RANBP17: variants seen among roughly 807,000 people sequenced by gnomAD.
RANBP17 encodes ran-binding protein 17.
A neutral mutation model predicts 141.2 loss-of-function variants in RANBP17; 158 were observed. The ratio of observed to expected loss-of-function variants is 1.12; its 90% CI spans 0.98 to 1.28. The LOEUF is 1.28. RANBP17 is among the 50% of genes most tolerant of loss of function. RANBP17 has a pLI of 0.00. For missense variants in RANBP17, 1,438 were observed against 1,290.7 expected (o/e 1.11, Z -1.75); for synonymous variants, 430 against 450.0 (o/e 0.96, Z 0.56).
At chr5:171,113,696 T>C (rs1755410211) in intron 14 of RANBP17, among the ~76,000 whole-genome samples, 2 of 152,158 alleles carry the variant, frequency 1.3e-5, no homozygotes. Context: ...CTAGGCACTT[T>C]GAGTCTAGAA....
chr5:171,113,227 C>A (rs1284774181), intron 14 of RANBP17, among the ~76,000 whole-genome samples: 3 of 152,142 alleles, frequency 2.0e-5, no homozygotes, highest in Admixed American at 1.3e-4. Flanking sequence ...CTTTTCCCTG[C>A]CTACTAAACT....
At chr5:170,892,611 T>C (rs1237883251) in intron 4 of RANBP17, 58 bp downstream of exon 4, 5 of 1,375,136 alleles carry the variant, frequency 3.6e-6, no homozygotes, top group Admixed American at 2.0e-5. Flanking sequence ...TGGTTTAGAA[T>C]ACTGCTCTTC....
intron 14 of RANBP17, among the ~76,000 whole-genome samples, chr5:171,150,882 G>A (rs780518034): frequency 1.3e-5 from 2 of 152,162 alleles, no homozygotes; most frequent in Non-Finnish European, 2.9e-5. Context: ...GTCTGCAGAC[G>A]TTTTGTTCCT....
intron 14 of RANBP17, among the ~76,000 whole-genome samples, chr5:171,088,255 T>A (rs1043144893): frequency 2.3e-4 from 35 of 152,266 alleles, no homozygotes; most frequent in African/African-American, 7.9e-4. Context: ...AAATTCTGGG[T>A]TGAAAATTCT....
chr5:171,283,091 A>G (rs1268088537), intron 25 of RANBP17, among the ~76,000 whole-genome samples: 1 of 152,030 alleles, frequency 6.6e-6, no homozygotes, highest in African/African-American at 2.4e-5. Context: ...TCTTATTCTC[A>G]ACAACAGATC....
chr5:171,241,257 A>C, intron 23 of RANBP17, 115 bp downstream of exon 23: 1 of 762,976 alleles, frequency 1.3e-6, no homozygotes, highest in Non-Finnish European at 2.1e-6. Flanking sequence ...TTATGTTTTA[A>C]GACAGCATAC....
chr5:171,218,072 A>G (rs1439226078), intron 21 of RANBP17, among the ~76,000 whole-genome samples: 4 of 152,104 alleles, frequency 2.6e-5, no homozygotes, highest in Non-Finnish European at 5.9e-5. Flanking sequence ...TGTGTCCCAG[A>G]GATTCTAGTA....
intron 13 of RANBP17, among the ~76,000 whole-genome samples, chr5:170,956,908 A>G (rs909756173): frequency 6.6e-6 from 1 of 151,812 alleles, no homozygotes; most frequent in African/African-American, 2.4e-5. Flanking sequence ...CGTCTCTACT[A>G]AAAATACAAA....
chr5:170,909,626 G>A, intron 5 of RANBP17, 35 bp from the exon 6 acceptor site: 1 of 804,638 alleles, frequency 1.2e-6, no homozygotes. Context: ...TTTTTCATAG[G>A]TCTGGTTAAA....
intron 14 of RANBP17, among the ~76,000 whole-genome samples, chr5:170,996,237 T>C (rs1315824570): frequency 6.6e-6 from 1 of 152,178 alleles, no homozygotes; most frequent in Non-Finnish European, 1.5e-5. Flanking sequence ...TAAGTGTTAG[T>C]TAAAGCTGTT....
At chr5:170,913,273 A>T (rs570476488) in intron 7 of RANBP17, among the ~76,000 whole-genome samples, 2 of 152,168 alleles carry the variant, frequency 1.3e-5, no homozygotes, top group South Asian at 4.1e-4. Context: ...AGTGAAAGAC[A>T]TAGAAAGGCT....
chr5:171,252,833 TA>T, intron 24 of RANBP17: 1 of 1,240,568 alleles, frequency 8.1e-7, no homozygotes, highest in Non-Finnish European at 1.2e-6. Flanking sequence ...CATTGTATTG[TA>T]ATAGTTAAGA....
intron 14 of RANBP17, among the ~76,000 whole-genome samples, chr5:171,018,074 G>T (rs947249777): frequency 6.6e-6 from 1 of 151,998 alleles, no homozygotes; most frequent in East Asian, 1.9e-4. Flanking sequence ...TAGATTTATG[G>T]TGGTATTTCT....
intron 12 of RANBP17, among the ~76,000 whole-genome samples, chr5:170,942,224 TG>T (rs1261300157): frequency 6.6e-6 from 1 of 152,124 alleles, no homozygotes; most frequent in East Asian, 1.9e-4. Flanking sequence ...CCCCAGTCCG[TG>T]GAAAAATTGT....
intron 13 of RANBP17, among the ~76,000 whole-genome samples, chr5:170,955,736 A>G (rs1286785379): frequency 7.0e-6 from 1 of 142,690 alleles, no homozygotes; most frequent in African/African-American, 2.5e-5. Context: ...TTCAATCTAC[A>G]TAAAGATATA....
At chr5:171,297,068 A>G (rs550879141) in intron 27 of RANBP17, among the ~76,000 whole-genome samples, 2 of 152,330 alleles carry the variant, frequency 1.3e-5, no homozygotes, top group East Asian at 3.9e-4. Context: ...TGTTTAAATG[A>G]CAGAACGCAG....
intron 14 of RANBP17, among the ~76,000 whole-genome samples, chr5:171,003,301 G>A (rs922341910): frequency 2.0e-5 from 3 of 152,186 alleles, no homozygotes; most frequent in Admixed American, 6.5e-5. Context: ...GGAACAGAAA[G>A]AGGAGTGGGG....
intron 14 of RANBP17, among the ~76,000 whole-genome samples, chr5:171,166,782 A>G (rs964120190): frequency 2.0e-5 from 3 of 152,240 alleles, no homozygotes; most frequent in East Asian, 1.9e-4. Flanking sequence ...AATGAGAAAC[A>G]GTCTTTTAAA....
intron 8 of RANBP17, among the ~76,000 whole-genome samples, chr5:170,915,774 G>T (rs930699558): frequency 1.3e-5 from 2 of 151,832 alleles, no homozygotes; most frequent in African/African-American, 2.4e-5. Context: ...GGATACCACG[G>T]TACATAATGT....
Sources: gnomAD v4.1 joint callset for allele counts (sites outside exome capture counted in the v4.1 genomes callset) on GRCh38, gnomAD v4.1.1 for gene constraint, MANE v1.5 for transcripts, NCBI Gene and HGNC (gene_info 2026-07-23, HGNC 2026-07-21) for gene names.